PRKACB: variants seen among roughly 807,000 people sequenced by gnomAD.
The protein encoded by PRKACB is protein kinase cAMP-activated catalytic subunit beta, also known as cAMP-dependent protein kinase catalytic subunit beta.
PRKACB carries 16 observed loss-of-function variants against 51.4 expected under a neutral mutation model. The observed-to-expected ratio is 0.31, with a 90% confidence interval of 0.21 to 0.47. The LOEUF is 0.47. Among genes scored for constraint, PRKACB ranks in the 20% least tolerant of loss-of-function variants. PRKACB has a pLI of 1.00. For synonymous variants in PRKACB, 147 were observed against 154.4 expected (o/e 0.95, Z 0.35); for missense variants, 309 against 464.5 (o/e 0.67, Z 3.08).
intron 1 of PRKACB, chr1:84,078,385 C>T (rs766857339): frequency 2.5e-6 from 4 of 1,610,132 alleles, no homozygotes; most frequent in East Asian, 2.2e-5. Context: ...AGTTGAAGGC[C>T]GGGTCTGGGT....
chr1:84,221,685 A>C (rs1406008083), intron 9 of PRKACB, among the ~76,000 whole-genome samples: 1 of 152,090 alleles, frequency 6.6e-6, no homozygotes, highest in Non-Finnish European at 1.5e-5. Context: ...TCATTAGCCC[A>C]ATAGTCATTC....
Position 84,236,471 on chromosome 1 carries a change from A to G in PRKACB, c.*1166A>G, listed in dbSNP as rs965254831. Reference sequence around the variant, plus strand: ...CTGCTGCAACTTCTGCTTTCATCCCATGCCTCATCAATGAGGAAAGGGAAC... The same window carrying G: ...CTGCTGCAACTTCTGCTTTCATCCCGTGCCTCATCAATGAGGAAAGGGAAC... On this transcript the variant is annotated 3_prime_UTR_variant, in exon 10 of 10. Coordinates refer to ENST00000370685, the MANE Select transcript of PRKACB (RefSeq NM_182948.4). The G allele has an allele frequency of 9.2e-5, 14 of 152,618 alleles. No homozygotes were observed. The highest frequency in any genetic ancestry group is 2.7e-4 in the African/African-American group (11 of 41,442). 9.5% of individuals were successfully genotyped at this position (152,618 alleles called of 1,614,324 possible).
upstream of PRKACB, among the ~76,000 whole-genome samples, chr1:84,139,427 A>C (rs1461676220): frequency 1.3e-5 from 2 of 152,210 alleles, no homozygotes; most frequent in Admixed American, 1.3e-4. Context: ...TGAAAACCAC[A>C]ATTACTGTGT....
chr1:84,197,842 A>G lies in PRKACB; in HGVS notation c.783+18A>G. On this transcript the variant is annotated intron_variant, in intron 7 of 9. Transcript: ENST00000370685. ...TCAGCAAGGTATATTCATAATATCA[A>G]CACATAAGAAGTAGAAATATGAGAC... 1 of 1,535,922 alleles carries G rather than the reference A, an allele frequency of 6.5e-7. No homozygotes were observed. The highest frequency in any genetic ancestry group is 1.1e-5 in the South Asian group (1 of 87,572).
chr1:84,232,086 C>T (rs1284687459), intron 9 of PRKACB, among the ~76,000 whole-genome samples: 7 of 151,612 alleles, frequency 4.6e-5, no homozygotes, highest in Non-Finnish European at 1.0e-4. Context: ...CCACACACTG[C>T]TTTGAATGTG....
At chr1:84,182,048 A>G (rs1004795830) in intron 2 of PRKACB, 152 bp from the exon 3 acceptor site, 27 of 597,248 alleles carry the variant, frequency 4.5e-5, no homozygotes, top group Non-Finnish European at 6.4e-5. Flanking sequence ...AATAGAACCA[A>G]TAAACTGGAA....
intron 9 of PRKACB, among the ~76,000 whole-genome samples, chr1:84,234,233 A>G (rs1174464487): frequency 6.6e-6 from 1 of 152,238 alleles, no homozygotes; most frequent in Admixed American, 6.5e-5. Context: ...CTCAGGGGTC[A>G]GGGGTCAGGG....
Position 84,130,107 on chromosome 1 carries a change from A to G in PRKACB, c.47-49070A>G, listed in dbSNP as rs1009262839. On this transcript the variant is annotated intron_variant, in intron 1 of 8. Coordinates refer to the PRKACB transcript ENST00000370688. ...CCCAGCTGCTGGGGAGGCTGATGGC[A>G]TGAACCTGGGAGGCGGAGCTTGCAG... Among the ~76,000 whole-genome samples, 12 of 144,606 alleles carry G rather than the reference A, an allele frequency of 8.3e-5. No individual in the cohort carries two copies. In the East Asian group the frequency reaches 1.3e-3, roughly 16 times the overall value. 94.9% of individuals were successfully genotyped at this position (144,606 alleles called of 152,430 possible). A position where few individuals can be genotyped will look rare whatever the true frequency, so the allele number is the denominator to read the frequency against.
chr1:84,144,541 C>G lies in PRKACB; in HGVS notation c.180C>G (p.Asp60Glu). ...TCTCTGAACATACTGCCTTATGGGA[C>G]AGATCAAGTAAGTTTTGTTTTTTAA... ...LHFSEHTALW[D>E]RSMKEFLAKA... The change falls in exon 1 of 10, where the codon GAC (aspartate) becomes GAG (glutamate). Residue 60 changes from aspartate to glutamate, a missense_variant. This residue lies in a region of PRKACB where 153 missense variants were observed against 190.2 expected (regional missense o/e 0.80). Transcript: ENST00000370685. The G allele has an allele frequency of 9.5e-6, 15 of 1,579,612 alleles. No individual in the cohort carries two copies. Among genetic ancestry groups the G allele is most frequent in the Admixed American group, 2.0e-5 (1 of 50,626 alleles).
intron 1 of PRKACB, among the ~76,000 whole-genome samples, chr1:84,165,621 G>A (rs963171499): frequency 6.6e-6 from 1 of 151,768 alleles, no homozygotes; most frequent in African/African-American, 2.4e-5. Context: ...GTACACTTGT[G>A]ACAACTAGTC....
At position 84,235,536 on chromosome 1, in the gene PRKACB, A is replaced by T; in HGVS notation, c.*231A>T. On this transcript the variant is annotated 3_prime_UTR_variant, in exon 10 of 10. Transcript: ENST00000370685. ...TAACACAGTACTAGACCACTTTCTT[A>T]CTTCTCTTTGGGTTGTCTTTCTCCT... 1 of 431,736 alleles carries T rather than the reference A, an allele frequency of 2.3e-6. No homozygotes were observed. Among genetic ancestry groups the T allele is most frequent in the Non-Finnish European group, 4.1e-6 (1 of 245,250 alleles). The allele number at this position is 431,736 out of a possible 1,614,324, so 26.7% of individuals were successfully genotyped here.
intron 1 of PRKACB, among the ~76,000 whole-genome samples, chr1:84,125,048 A>G (rs186877724): frequency 3.3e-5 from 5 of 152,294 alleles, no homozygotes; most frequent in African/African-American, 1.2e-4. Flanking sequence ...ATAGTGGCTT[A>G]AATAGTGGCT....
At chr1:84,107,680 C>T (rs1374053492) in intron 1 of PRKACB, among the ~76,000 whole-genome samples, 1 of 152,048 alleles carries the variant, frequency 6.6e-6, no homozygotes, top group African/African-American at 2.4e-5. Context: ...GCACAATGGA[C>T]ATGAGCAGAC....
intron 8 of PRKACB, among the ~76,000 whole-genome samples, chr1:84,207,542 G>T (rs1298701707): frequency 6.6e-6 from 1 of 152,030 alleles, no homozygotes; most frequent in Admixed American, 6.6e-5. Context: ...TCTTTACTGG[G>T]ATTGCAGATA....
chr1:84,078,374 G>A (rs1337064588), intron 1 of PRKACB: 4 of 1,611,610 alleles, frequency 2.5e-6, no homozygotes, highest in Non-Finnish European at 3.4e-6. Context: ...GGAGAGCGGT[G>A]AGTTGAAGGC....
chr1:84,085,934 A>C, intron 1 of PRKACB: 1 of 682,248 alleles, frequency 1.5e-6, no homozygotes, highest in Non-Finnish European at 2.7e-6. Context: ...ATTAATATCC[A>C]GGATGGACCT....
At chr1:84,197,924 A>G in intron 7 of PRKACB, 100 bp downstream of exon 7, 1 of 800,596 alleles carries the variant, frequency 1.2e-6, no homozygotes, top group Non-Finnish European at 1.9e-6. Flanking sequence ...TACATTTTTA[A>G]TTTGATCTAA....
At chr1:84,172,108 A>G (rs1185411624) in intron 1 of PRKACB, among the ~76,000 whole-genome samples, 1 of 151,664 alleles carries the variant, frequency 6.6e-6, no homozygotes, top group Non-Finnish European at 1.5e-5. Context: ...TGTTGAGGAT[A>G]TAGAGCATCA....
intron 9 of PRKACB, among the ~76,000 whole-genome samples, chr1:84,227,895 G>A (rs1674900151): frequency 6.6e-6 from 1 of 152,052 alleles, no homozygotes; most frequent in South Asian, 2.1e-4. Flanking sequence ...TTTATTCTCT[G>A]ATGCATCTCC....
Sources: gnomAD v4.1 joint callset for allele counts (sites outside exome capture counted in the v4.1 genomes callset) on GRCh38, gnomAD v4.1.1 for gene constraint, gnomAD v4.1.1 regional missense constraint, MANE v1.5 for transcripts, NCBI Gene and HGNC (gene_info 2026-07-23, HGNC 2026-07-21) for gene names.